Variants in RASSF2 observed in about 807,000 individuals in gnomAD.
RASSF2 encodes the protein ras association domain-containing protein 2.
Under a neutral mutation model 46.3 loss-of-function variants are expected in RASSF2, and 34 were observed. That is an observed-to-expected ratio of 0.73 (90% confidence interval 0.56 to 0.98). The LOEUF (loss-of-function observed/expected upper bound fraction) is 0.98, where lower values mean the gene tolerates loss of function less well. Among genes scored for constraint, RASSF2 ranks in the 50% least tolerant of loss-of-function variants. The probability of loss-of-function intolerance (pLI) is 0.00; values close to 1 mark genes in which losing one functional copy is unlikely to be tolerated. For synonymous variants in RASSF2, 158 were observed against 162.5 expected (o/e 0.97, Z 0.21); for missense variants, 364 against 431.2 (o/e 0.84, Z 1.38).
chr20:4,820,855 G>C (rs955413935), intron 2 of RASSF2, among the ~76,000 whole-genome samples: 1 of 152,094 alleles, frequency 6.6e-6, no homozygotes, highest in Non-Finnish European at 1.5e-5. Context: ...AGACTCTCTG[G>C]CAACCTGACC....
At chr20:4,816,327 A>G (rs1380369559) in intron 2 of RASSF2, among the ~76,000 whole-genome samples, 1 of 152,194 alleles carries the variant, frequency 6.6e-6, no homozygotes, top group East Asian at 1.9e-4. Flanking sequence ...CGAAAAATAT[A>G]TATAGATAAA....
intron 2 of RASSF2, among the ~76,000 whole-genome samples, chr20:4,818,348 G>A (rs945150555): frequency 6.6e-6 from 1 of 151,962 alleles, no homozygotes; most frequent in African/African-American, 2.4e-5. Flanking sequence ...CAACCGGTTT[G>A]GGGCAGCGCT....
chr20:4,793,452 A>G (rs977751742), intron 5 of RASSF2, among the ~76,000 whole-genome samples: 10 of 152,180 alleles, frequency 6.6e-5, no homozygotes, highest in African/African-American at 2.4e-4. Context: ...AAGGAAGGAC[A>G]ATTAAAATGG....
At chr20:4,815,079 C>G (rs747748) in intron 2 of RASSF2, 63,748 of 152,152 alleles carry the variant, frequency 0.42, 14,778 homozygotes, top group East Asian at 0.52. Context: ...CTGGAGGAGC[C>G]GTGGGCGCTT....
chr20:4,815,786 G>C (rs1339201661), intron 2 of RASSF2, among the ~76,000 whole-genome samples: 3 of 152,224 alleles, frequency 2.0e-5, no homozygotes, highest in African/African-American at 7.2e-5. Context: ...AAGCCATGCT[G>C]TGGTCAGCTC....
intron 2 of RASSF2, among the ~76,000 whole-genome samples, chr20:4,803,418 G>A (rs2122576783): frequency 6.6e-6 from 1 of 152,286 alleles, no homozygotes; most frequent in South Asian, 2.1e-4. Flanking sequence ...TTAGCTCAGT[G>A]AGATTCGTGT....
intron 3 of RASSF2, among the ~76,000 whole-genome samples, chr20:4,798,349 A>G (rs1400920422): frequency 6.6e-6 from 1 of 152,200 alleles, no homozygotes; most frequent in Non-Finnish European, 1.5e-5. Flanking sequence ...ACACCAAGGC[A>G]GGCCTCGTCT....
At chr20:4,802,430 C>T (rs1467648664) in intron 2 of RASSF2, among the ~76,000 whole-genome samples, 1 of 152,148 alleles carries the variant, frequency 6.6e-6, no homozygotes, top group African/African-American at 2.4e-5. Flanking sequence ...GCCCAAGTGT[C>T]CACTGAAGGA....
rs1238987327 is a variant in RASSF2 at position 4,803,884 on chromosome 20, T to G, written c.-32-2822A>C. ...GACCAGCCTGGGCAACATGGGGAGATCCCATCTCTACAAAAAATAAAAAAT... is the reference window on the plus strand; with the variant it reads ...GACCAGCCTGGGCAACATGGGGAGAGCCCATCTCTACAAAAAATAAAAAAT... On this transcript the variant is annotated intron_variant, in intron 2 of 11. Coordinates refer to ENST00000379400, the MANE Select transcript of RASSF2 (RefSeq NM_014737.3). 5.9e-5 allele frequency among the ~76,000 whole-genome samples: 9 copies of G among 151,442 alleles called. No individual in the cohort carries two copies. In the South Asian group the frequency reaches 1.9e-3, roughly 32 times the overall value.
chr20:4,788,132 A>C, intron 9 of RASSF2, 85 bp downstream of exon 9: 1 of 1,291,948 alleles, frequency 7.7e-7, no homozygotes, highest in South Asian at 1.2e-5. Flanking sequence ...CTCAAACAAC[A>C]AGCAAAGGAG....
intron 2 of RASSF2, among the ~76,000 whole-genome samples, chr20:4,802,270 C>A (rs181233397): frequency 1.8e-4 from 28 of 152,254 alleles, no homozygotes; most frequent in Admixed American, 1.2e-3. Flanking sequence ...CTGTCTTGTG[C>A]ATTGCAGGTG....
intron 5 of RASSF2, among the ~76,000 whole-genome samples, chr20:4,793,299 C>T (rs552853848): frequency 3.6e-4 from 55 of 152,240 alleles, no homozygotes; most frequent in African/African-American, 1.2e-3. Flanking sequence ...GGGAGCAGCT[C>T]AGAAAAACAT....
chr20:4,784,535 G>A (rs1201290398), intron 11 of RASSF2, among the ~76,000 whole-genome samples, 193 bp from the exon 12 acceptor site: 3 of 137,154 alleles, frequency 2.2e-5, no homozygotes, highest in Non-Finnish European at 4.6e-5. Flanking sequence ...CACGATGAGA[G>A]GAAATAAAGA....
At position 4,790,225 on chromosome 20, in the gene RASSF2, C is replaced by T. The variant is rs1272512516; in HGVS notation, c.537+226G>A. Reference sequence around the variant, plus strand: ...TGTACAGCCCCACTGAATTCACCCACCACCTTAAGGGGAACCCACAGGGGG... The same window carrying T: ...TGTACAGCCCCACTGAATTCACCCATCACCTTAAGGGGAACCCACAGGGGG... On this transcript the variant is annotated intron_variant, in intron 7 of 11. Transcript: ENST00000379400. The surrounding 1 kb of genome is among the most constrained non-coding windows in gnomAD (Gnocchi z 4.3). Among the ~76,000 whole-genome samples the T allele has an allele frequency of 2.0e-5, 3 of 152,216 alleles. No homozygotes were observed. The highest frequency in any genetic ancestry group is 7.2e-5 in the African/African-American group (3 of 41,454).
chr20:4,787,832 G>T, intron 9 of RASSF2, 78 bp from the exon 10 acceptor site: 1 of 1,592,864 alleles, frequency 6.3e-7, no homozygotes. Flanking sequence ...GGGTCCAAAG[G>T]CACCTTAGGA....
chr20:4,820,976 G>A (rs543115786), intron 2 of RASSF2, among the ~76,000 whole-genome samples: 179 of 152,190 alleles, frequency 1.2e-3, no homozygotes, highest in African/African-American at 4.2e-3. Flanking sequence ...TTGATGACAG[G>A]TCTCCTCTCT....
In RASSF2 at chr20:4,801,067, ATT is replaced by A. The variant is rs776814748; in HGVS notation, c.-32-7_-32-6del. ...CTTTTCATCGGAAGGAGAGGCCTAC[ATT>A]TGGAAGGAGAAGACAGAGGTTAAAG... On this transcript the variant is annotated splice_region_variant and splice_polypyrimidine_tract_variant and intron_variant, in intron 2 of 11. Coordinates refer to ENST00000379400, the MANE Select transcript of RASSF2 (RefSeq NM_014737.3). 49 of 1,608,592 alleles carry A rather than the reference ATT, an allele frequency of 3.0e-5. No homozygotes were observed. Among genetic ancestry groups the A allele is most frequent in the Non-Finnish European group, 3.9e-5 (46 of 1,175,202 alleles).
At chr20:4,800,897 C>T (rs989505202) in intron 3 of RASSF2, 75 bp downstream of exon 3, 20 of 1,271,098 alleles carry the variant, frequency 1.6e-5, no homozygotes, top group South Asian at 1.1e-4. Context: ...CCTCTGCCAG[C>T]GGCTGCCGTC....
At chr20:4,810,060 C>T (rs1398586508) in intron 2 of RASSF2, among the ~76,000 whole-genome samples, 1 of 152,200 alleles carries the variant, frequency 6.6e-6, no homozygotes, top group South Asian at 2.1e-4. Context: ...ATTACACCTG[C>T]TCCATATCTG....
Sources: allele counts gnomAD v4.1 joint callset (sites outside exome capture counted in the v4.1 genomes callset), GRCh38; gene constraint gnomAD v4.1.1; non-coding constraint Gnocchi (gnomAD v3.1); transcripts MANE v1.5; gene names NCBI Gene and HGNC (gene_info 2026-07-23, HGNC 2026-07-21).